Variants in DYM observed in about 807,000 individuals in gnomAD.
DYM encodes the protein dymeclin, also known as dyggve-Melchior-Clausen syndrome protein.
In DYM, 78 loss-of-function variants were observed where a neutral mutation model predicts 93.1. The ratio of observed to expected loss-of-function variants is 0.84; its 90% CI spans 0.70 to 1.01. The LOEUF (loss-of-function observed/expected upper bound fraction) is 1.01, where lower values mean the gene tolerates loss of function less well. Ranked by LOEUF, DYM falls within the 50% of genes least tolerant of loss-of-function variation. The pLI is 0.00. For missense variants in DYM, 789 were observed against 845.0 expected (o/e 0.93, Z 0.82); for synonymous variants, 321 against 319.7 (o/e 1.00, Z -0.04).
In DYM at chr18:49,145,899, CT is replaced by C. The variant is rs201785844; in HGVS notation, c.1728+17785del. Among the ~76,000 whole-genome samples, 440 of 150,396 alleles carry C rather than the reference CT, an allele frequency of 2.9e-3. 14 individuals are homozygous for C. In the East Asian group the frequency reaches 0.07, roughly 24 times the overall value. On this transcript the variant is annotated intron_variant, in intron 15 of 17. Transcript: ENST00000675505. Reference sequence around the variant, plus strand: ...TTTCTTTTTATATTTTAGTTTTTACCTTTTTTTTTGGTATTTAGGAAGGTTT... The same window carrying C: ...TTTCTTTTTATATTTTAGTTTTTACCTTTTTTTTGGTATTTAGGAAGGTTT...
At chr18:49,161,346 TTAA>T (rs904806946) in intron 15 of DYM, among the ~76,000 whole-genome samples, 4 of 152,186 alleles carry the variant, frequency 2.6e-5, no homozygotes, top group Admixed American at 6.6e-5. Context: ...TCCTCAAATA[TTAA>T]TTTTATAGAT....
intron 13 of DYM, among the ~76,000 whole-genome samples, chr18:49,246,841 A>G (rs2094181504): frequency 6.6e-6 from 1 of 152,212 alleles, no homozygotes; most frequent in South Asian, 2.1e-4. Context: ...CAACTGAGAG[A>G]TAAAACCTAG....
At chr18:49,387,128 G>A (rs991446461) in intron 3 of DYM, among the ~76,000 whole-genome samples, 2 of 151,738 alleles carry the variant, frequency 1.3e-5, no homozygotes, top group African/African-American at 2.4e-5. Context: ...TGTAGAGACA[G>A]GGTCTTGCTA....
intron 2 of DYM, among the ~76,000 whole-genome samples, chr18:49,427,307 A>G (rs1037973231): frequency 3.3e-5 from 5 of 152,332 alleles, no homozygotes; most frequent in Middle Eastern, 3.4e-3. Context: ...GGAACATTCT[A>G]CAGAAAAACT....
At chr18:49,062,808 T>C (rs959799309) in intron 17 of DYM, among the ~76,000 whole-genome samples, 3 of 152,226 alleles carry the variant, frequency 2.0e-5, no homozygotes, top group Non-Finnish European at 4.4e-5. Context: ...TTCAGAAGTG[T>C]GCATTCAAAT....
chr18:49,189,564 G>A (rs2090773903), intron 14 of DYM, among the ~76,000 whole-genome samples: 1 of 152,124 alleles, frequency 6.6e-6, no homozygotes, highest in Non-Finnish European at 1.5e-5. Flanking sequence ...GGGCAAAAAA[G>A]TAACAGAAAA....
In DYM at chr18:49,108,598, T is replaced by C. The variant is rs546254134; in HGVS notation, c.1911+10146A>G. 8.1e-4 allele frequency among the ~76,000 whole-genome samples: 124 copies of C among 152,252 alleles called. 1 individual carries two copies. The highest frequency in any genetic ancestry group is 1.5e-3 in the Non-Finnish European group (101 of 68,052). The stretch of plus-strand genomic sequence containing the variant: ...TTAATTTCACTGTGGTCAAAGAATA[T>C]ACTCTAGGTGATCTCATCTCATTTA... On this transcript the variant is annotated intron_variant, in intron 16 of 17. Coordinates refer to ENST00000675505, the MANE Select transcript of DYM (RefSeq NM_001353214.3).
chr18:49,217,529 A>G (rs2093130534), intron 13 of DYM, among the ~76,000 whole-genome samples: 1 of 152,226 alleles, frequency 6.6e-6, no homozygotes, highest in Non-Finnish European at 1.5e-5. Context: ...CCACAAAGGG[A>G]AGCCCATCAG....
At chr18:49,124,110 AACAGGGTGAT>A (rs1187187092) in intron 15 of DYM, among the ~76,000 whole-genome samples, 4 of 152,230 alleles carry the variant, frequency 2.6e-5, no homozygotes, top group African/African-American at 9.6e-5. Flanking sequence ...TGCTGAAACA[AACAGGGTGAT>A]ACACCCAACT....
chr18:49,278,336 C>T (rs2094895134), intron 10 of DYM, among the ~76,000 whole-genome samples: 1 of 152,168 alleles, frequency 6.6e-6, no homozygotes, highest in Non-Finnish European at 1.5e-5. Context: ...CAAGGCTTGA[C>T]CCAAAAGCAG....
chr18:49,067,450 GCAC>G (rs2076545713), intron 17 of DYM, among the ~76,000 whole-genome samples: 7 of 34,340 alleles, frequency 2.0e-4, no homozygotes, highest in Admixed American at 3.4e-4. Context: ...GGTGATGTGA[GCAC>G]TATGGAAGTT....
intron 1 of DYM, among the ~76,000 whole-genome samples, chr18:49,448,177 T>G (rs1312430547): frequency 6.6e-6 from 1 of 152,188 alleles, no homozygotes; most frequent in Non-Finnish European, 1.5e-5. Context: ...GGGTAAAATA[T>G]TCCTCCAAAG....
intron 13 of DYM, among the ~76,000 whole-genome samples, chr18:49,227,922 C>T (rs2093586169): frequency 6.6e-6 from 1 of 152,152 alleles, no homozygotes; most frequent in Non-Finnish European, 1.5e-5. Context: ...TCCTACTCTT[C>T]ACTAAGTGTG....
chr18:49,117,492 T>C (rs956682594), intron 16 of DYM, among the ~76,000 whole-genome samples: 15 of 152,210 alleles, frequency 9.9e-5, no homozygotes, highest in African/African-American at 3.6e-4. Flanking sequence ...AGTTCCTCTT[T>C]TGGGAGTGCC....
chr18:49,452,718 A>G (rs779071788), intron 1 of DYM, among the ~76,000 whole-genome samples: 1 of 137,848 alleles, frequency 7.3e-6, no homozygotes, highest in Admixed American at 7.1e-5. Flanking sequence ...GGTCCCATCA[A>G]CCGCCCAAGG....
At chr18:49,190,588 A>G (rs757561294) in intron 14 of DYM, among the ~76,000 whole-genome samples, 10 of 152,212 alleles carry the variant, frequency 6.6e-5, no homozygotes, top group Non-Finnish European at 1.3e-4. Flanking sequence ...ATAAATGCAC[A>G]TATGAAAATA....
In DYM at chr18:49,038,106, T is replaced by C. The variant is rs958834057; in HGVS notation, c.*5949A>G. Among the ~76,000 whole-genome samples the C allele has an allele frequency of 6.6e-6, 1 of 152,224 alleles. No homozygotes were observed. The highest frequency in any genetic ancestry group is 2.4e-5 in the African/African-American group (1 of 41,458). ...TCTCAAAGTGCTAGTATTACAGATGTGAGCCACTGTGCCTAGCCTGTTGAA... is the reference window on the plus strand; with the variant it reads ...TCTCAAAGTGCTAGTATTACAGATGCGAGCCACTGTGCCTAGCCTGTTGAA... On this transcript the variant is annotated 3_prime_UTR_variant, in exon 18 of 18. Coordinates refer to ENST00000675505, the MANE Select transcript of DYM (RefSeq NM_001353214.3).
chr18:49,188,630 A>T (rs929469192), intron 14 of DYM, among the ~76,000 whole-genome samples: 22 of 151,978 alleles, frequency 1.4e-4, no homozygotes, highest in Non-Finnish European at 2.4e-4. Flanking sequence ...ATAGGTGGGA[A>T]TTGAACAATG....
intron 5 of DYM, 134 bp from the exon 6 acceptor site, chr18:49,363,367 T>C: frequency 1.4e-6 from 1 of 724,510 alleles, no homozygotes; most frequent in Non-Finnish European, 2.5e-6. Flanking sequence ...AATGTTGACC[T>C]CTGAATAAAA....
Sources: gnomAD v4.1 joint callset for allele counts (sites outside exome capture counted in the v4.1 genomes callset) on GRCh38, gnomAD v4.1.1 for gene constraint, MANE v1.5 for transcripts, NCBI Gene and HGNC (gene_info 2026-07-23, HGNC 2026-07-21) for gene names.